Variants in NEGR1 observed in about 807,000 individuals in gnomAD.
NEGR1 encodes the protein neuronal growth regulator 1, also known as IgLON family member 4.
NEGR1 carries 10 observed loss-of-function variants against 40.9 expected under a neutral mutation model. That is an observed-to-expected ratio of 0.24 (90% CI 0.15 to 0.42). NEGR1 has a LOEUF of 0.42. NEGR1 is among the 10% of genes least tolerant of loss of function. The pLI is 1.00. For synonymous variants in NEGR1, 185 were observed against 166.8 expected (o/e 1.11, Z -0.84); for missense variants, 352 against 438.9 (o/e 0.80, Z 1.77).
chr1:71,835,885 A>C (rs1163770333), intron 2 of NEGR1, among the ~76,000 whole-genome samples: 1 of 152,138 alleles, frequency 6.6e-6, no homozygotes, highest in Non-Finnish European at 1.5e-5. Flanking sequence ...ATGAGATTGT[A>C]CACTATATAT....
chr1:72,206,064 GT>G (rs1253403446), intron 1 of NEGR1, among the ~76,000 whole-genome samples: 2 of 151,622 alleles, frequency 1.3e-5, no homozygotes, highest in Non-Finnish European at 1.5e-5. Flanking sequence ...ACATGGTTTG[GT>G]GGAGAAAGCA....
intron 6 of NEGR1, chr1:71,468,286 G>A (rs1646759494): frequency 6.6e-6 from 1 of 151,920 alleles, no homozygotes; most frequent in South Asian, 2.1e-4. Context: ...ATTCATAGGT[G>A]AGTCTTGCAT....
At chr1:72,183,877 TA>T (rs1287982540) in intron 1 of NEGR1, among the ~76,000 whole-genome samples, 1 of 152,064 alleles carries the variant, frequency 6.6e-6, no homozygotes, top group African/African-American at 2.4e-5. Context: ...GTATGAGTAA[TA>T]TTTTTTTAAT....
chr1:71,732,521 C>T (rs6680931), intron 3 of NEGR1, among the ~76,000 whole-genome samples: 63,680 of 141,970 alleles, frequency 0.45, 14,185 homozygotes, highest in East Asian at 0.75. Context: ...TGTGTGTGTG[C>T]GCGCGCGCGC....
intron 1 of NEGR1, among the ~76,000 whole-genome samples, chr1:72,054,815 A>C (rs138633696): frequency 9.3e-5 from 14 of 151,280 alleles, no homozygotes; most frequent in Admixed American, 2.0e-4. Flanking sequence ...GGAGAAATAA[A>C]TATATCTATT....
chr1:72,099,060 T>C (rs1230254830), intron 1 of NEGR1, among the ~76,000 whole-genome samples: 1 of 151,986 alleles, frequency 6.6e-6, no homozygotes, highest in Non-Finnish European at 1.5e-5. Flanking sequence ...TTATTAATTA[T>C]ATAATCAAAT....
chr1:72,248,549 C>A (rs189010495), intron 1 of NEGR1, among the ~76,000 whole-genome samples: 1 of 148,938 alleles, frequency 6.7e-6, no homozygotes, highest in Non-Finnish European at 1.5e-5. Flanking sequence ...TGAGCCACCA[C>A]GCCCAGCCTG....
rs142643250 is a variant in NEGR1, at chr1:71,799,343, C to T, written c.410-23046G>A. ...GTCTGCTGAGAATGATGGTTTCCAGCTTCATCCATGTTCCTGCAAAGGACA... is the reference window on the plus strand; with the variant it reads ...GTCTGCTGAGAATGATGGTTTCCAGTTTCATCCATGTTCCTGCAAAGGACA... On this transcript the variant is annotated intron_variant, in intron 2 of 6. Coordinates refer to ENST00000357731, the MANE Select transcript of NEGR1 (RefSeq NM_173808.3). 4.9e-3 allele frequency among the ~76,000 whole-genome samples: 745 copies of T among 152,270 alleles called. 10 individuals are homozygous for T. The highest frequency in any genetic ancestry group is 0.017 in the African/African-American group (716 of 41,564).
At chr1:71,755,706 A>G (rs1361681706) in intron 3 of NEGR1, among the ~76,000 whole-genome samples, 2 of 152,134 alleles carry the variant, frequency 1.3e-5, no homozygotes, top group Non-Finnish European at 1.5e-5. Flanking sequence ...TTAAAAGACA[A>G]CTCTGCAAAA....
At chr1:71,587,354 G>C (rs1649340455) in intron 6 of NEGR1, among the ~76,000 whole-genome samples, 1 of 152,096 alleles carries the variant, frequency 6.6e-6, no homozygotes, top group Admixed American at 6.6e-5. Flanking sequence ...TTCTCCAGTA[G>C]ACTCTTCCAT....
chr1:71,965,146 C>A (rs1646200015), intron 1 of NEGR1, among the ~76,000 whole-genome samples: 1 of 152,074 alleles, frequency 6.6e-6, no homozygotes, highest in Admixed American at 6.6e-5. Flanking sequence ...AATGTTCTAG[C>A]CATCACCACT....
intron 1 of NEGR1, among the ~76,000 whole-genome samples, chr1:72,064,478 G>A (rs892772267): frequency 6.6e-6 from 1 of 152,052 alleles, no homozygotes; most frequent in Non-Finnish European, 1.5e-5. Context: ...AGCTTCTGTG[G>A]TTCAGCCGCT....
At chr1:71,757,478 CAGAG>C (rs888284150) in intron 3 of NEGR1, among the ~76,000 whole-genome samples, 9 of 152,056 alleles carry the variant, frequency 5.9e-5, no homozygotes, top group African/African-American at 2.2e-4. Flanking sequence ...ATGGAAGTCT[CAGAG>C]AGACTTGGTT....
At chr1:71,808,975 GTTTTA>G (rs1657883633) in intron 2 of NEGR1, among the ~76,000 whole-genome samples, 1 of 151,994 alleles carries the variant, frequency 6.6e-6, no homozygotes, top group Non-Finnish European at 1.5e-5. Context: ...TGTGTATGTG[GTTTTA>G]TTTTTCCATT....
At chr1:72,063,482 GC>G (rs1270241526) in intron 1 of NEGR1, among the ~76,000 whole-genome samples, 1 of 151,848 alleles carries the variant, frequency 6.6e-6, no homozygotes, top group African/African-American at 2.4e-5. Context: ...CATTGTAACG[GC>G]AAAAACAGCA....
At chr1:72,053,653 C>T (rs1647083013) in intron 1 of NEGR1, among the ~76,000 whole-genome samples, 1 of 150,874 alleles carries the variant, frequency 6.6e-6, no homozygotes, top group Non-Finnish European at 1.5e-5. Flanking sequence ...GGCCACATAT[C>T]CTCAGCCAAA....
intron 2 of NEGR1, among the ~76,000 whole-genome samples, chr1:71,856,723 A>C (rs766044410): frequency 6.6e-6 from 1 of 152,070 alleles, no homozygotes; most frequent in Non-Finnish European, 1.5e-5. Context: ...ATTGTTGCAT[A>C]AAAATACTCT....
chr1:71,721,583 A>G lies in NEGR1; in HGVS notation c.536-23444T>C, dbSNP rs75389074. 6.6e-5 allele frequency among the ~76,000 whole-genome samples: 10 copies of G among 152,244 alleles called. No homozygotes were observed. In the East Asian group the frequency reaches 1.7e-3, roughly 26 times the overall value. On this transcript the variant is annotated intron_variant, in intron 3 of 6. Coordinates refer to ENST00000357731, the MANE Select transcript of NEGR1 (RefSeq NM_173808.3). ...TTTTCTAAAAGTTGGCACTACTGCT[A>G]TTTTGGACCATATAATTCTTTGTGT...
At chr1:72,024,140 G>C (rs1013530610) in intron 1 of NEGR1, among the ~76,000 whole-genome samples, 1 of 152,036 alleles carries the variant, frequency 6.6e-6, no homozygotes, top group Admixed American at 6.5e-5. Context: ...GATTTCCACA[G>C]TGATTTCTCA....
Sources: allele counts gnomAD v4.1 joint callset (sites outside exome capture counted in the v4.1 genomes callset), GRCh38; gene constraint gnomAD v4.1.1; transcripts MANE v1.5; gene names NCBI Gene and HGNC (gene_info 2026-07-23, HGNC 2026-07-21).